FSTL4: variants seen among roughly 807,000 people sequenced by gnomAD.
The protein encoded by FSTL4 is follistatin-related protein 4.
A neutral mutation model predicts 78.2 loss-of-function variants in FSTL4; 28 were observed. That is an observed-to-expected ratio of 0.36 (90% CI 0.27 to 0.49). The LOEUF is 0.49. Among genes scored for constraint, FSTL4 ranks in the 20% least tolerant of loss-of-function variants. The pLI is 0.98. For synonymous variants in FSTL4, 422 were observed against 440.5 expected (o/e 0.96, Z 0.53); for missense variants, 922 against 1,084.9 (o/e 0.85, Z 2.11).
the FSTL4 span, among the ~76,000 whole-genome samples, chr5:133,684,743 G>T: frequency 1.3e-5 from 2 of 152,130 alleles, no homozygotes; most frequent in African/African-American, 4.8e-5. Context: ...ATTAACTGGT[G>T]CATGGATATC....
At chr5:133,336,674 A>G (rs575070581) in intron 4 of FSTL4, among the ~76,000 whole-genome samples, 4 of 151,738 alleles carry the variant, frequency 2.6e-5, no homozygotes, top group South Asian at 2.1e-4. Context: ...CCTCCTGCCC[A>G]CTCCATCTAA....
At chr5:133,783,904 C>T in the FSTL4 span, among the ~76,000 whole-genome samples, 142 of 146,626 alleles carry the variant, frequency 9.7e-4, no homozygotes, top group Non-Finnish European at 1.9e-3. Flanking sequence ...GCAGAGTCTG[C>T]GAGAACAGTT....
rs187554435 is a variant in FSTL4 at position 133,237,910 on chromosome 5, A to C, written c.895-4373T>G. 4.7e-5 allele frequency among the ~76,000 whole-genome samples: 7 copies of C among 150,234 alleles called. No homozygotes were observed. In the East Asian group the frequency reaches 9.8e-4, roughly 21 times the overall value. Reference sequence around the variant, plus strand: ...TGTATTAGCAAAATCAAGGTTCCTTACAGAAATAAACAGATGTCAGATTAG... The same window carrying C: ...TGTATTAGCAAAATCAAGGTTCCTTCCAGAAATAAACAGATGTCAGATTAG... On this transcript the variant is annotated intron_variant, in intron 7 of 15. Transcript: ENST00000265342.
At chr5:133,696,523 T>C in the FSTL4 span, among the ~76,000 whole-genome samples, 53,187 of 152,164 alleles carry the variant, frequency 0.35, 10,169 homozygotes, top group African/African-American at 0.51. Context: ...GCATGTCGTA[T>C]CTCATTTTAA....
chr5:133,609,379 C>T (rs948204598), intron 1 of FSTL4, among the ~76,000 whole-genome samples: 7 of 152,056 alleles, frequency 4.6e-5, no homozygotes, highest in Admixed American at 1.3e-4. Flanking sequence ...CTGAATACAA[C>T]GTGGAATTCT....
At position 133,465,760 on chromosome 5, in the gene FSTL4, G is replaced by A. The variant is rs539854145; in HGVS notation, c.161-64774C>T. ...CAGCGACTGTGTGAGCCTGAACAGAGGGTCAGTGCTGTCTAAGGTGGGAGG... is the reference window on the plus strand; with the variant it reads ...CAGCGACTGTGTGAGCCTGAACAGAAGGTCAGTGCTGTCTAAGGTGGGAGG... On this transcript the variant is annotated intron_variant, in intron 3 of 15. Transcript: ENST00000265342. Among the ~76,000 whole-genome samples, 11 of 152,348 alleles carry A rather than the reference G, an allele frequency of 7.2e-5. No homozygotes were observed. The East Asian group carries it at 2.1e-3, about 29-fold the overall frequency.
At chr5:133,341,495 G>A (rs1039915748) in intron 4 of FSTL4, among the ~76,000 whole-genome samples, 6 of 152,062 alleles carry the variant, frequency 3.9e-5, no homozygotes, top group African/African-American at 1.2e-4. Flanking sequence ...CCCTGTGTGA[G>A]TGCATGTGAA....
chr5:133,240,964 G>A (rs1362637309), intron 7 of FSTL4, among the ~76,000 whole-genome samples: 1 of 152,132 alleles, frequency 6.6e-6, no homozygotes, highest in Admixed American at 6.5e-5. Context: ...TGGGCCAGGT[G>A]GTACCAGTTC....
chr5:133,523,522 C>T (rs1258240708), intron 3 of FSTL4, among the ~76,000 whole-genome samples: 1 of 152,216 alleles, frequency 6.6e-6, no homozygotes, highest in Non-Finnish European at 1.5e-5. Flanking sequence ...GGTTTCTGAA[C>T]CAGTCAGACC....
intron 4 of FSTL4, among the ~76,000 whole-genome samples, chr5:133,344,986 T>G (rs1754666440): frequency 6.7e-6 from 1 of 148,744 alleles, no homozygotes; most frequent in Non-Finnish European, 1.5e-5. Flanking sequence ...TTTTTTTTTT[T>G]GAGACGGAGT....
At chr5:133,499,484 G>T (rs1469909286) in intron 3 of FSTL4, among the ~76,000 whole-genome samples, 1 of 152,002 alleles carries the variant, frequency 6.6e-6, no homozygotes, top group East Asian at 1.9e-4. Context: ...CTCTGAGGGT[G>T]GCGCGTCTAG....
the FSTL4 span, among the ~76,000 whole-genome samples, chr5:133,636,306 C>G: frequency 2.7e-4 from 41 of 152,154 alleles, no homozygotes; most frequent in Non-Finnish European, 2.1e-4. Context: ...GAGCTCCACT[C>G]TCTGAGTGGG....
chr5:133,757,896 C>T, the FSTL4 span, among the ~76,000 whole-genome samples: 17 of 152,234 alleles, frequency 1.1e-4, no homozygotes, highest in African/African-American at 4.1e-4. Context: ...GGGCTTGACA[C>T]GTGTGAAAGG....
rs573232716 is a variant in FSTL4 at position 133,360,591 on chromosome 5, C to A, written c.409+40147G>T. 2.7e-5 allele frequency among the ~76,000 whole-genome samples: 4 copies of A among 150,288 alleles called. No individual in the cohort carries two copies. The East Asian group carries it at 7.8e-4, about 29-fold the overall frequency. The stretch of plus-strand genomic sequence containing the variant: ...CCTAGACAAAGCAATAAAATCTCAA[C>A]AGCAAAGTTCCTATTGATGTGATTA... On this transcript the variant is annotated intron_variant, in intron 4 of 15. Transcript: ENST00000265342.
At chr5:133,326,895 T>C (rs1754225780) in intron 4 of FSTL4, among the ~76,000 whole-genome samples, 1 of 152,258 alleles carries the variant, frequency 6.6e-6, no homozygotes. Context: ...TGCTGCAGCC[T>C]GCCCATGGCC....
the FSTL4 span, among the ~76,000 whole-genome samples, chr5:133,662,968 G>A: frequency 1.7e-5 from 2 of 114,770 alleles, no homozygotes; most frequent in Non-Finnish European, 3.4e-5. Context: ...ATTACCCTGA[G>A]TTAAAAAAAA....
the FSTL4 span, among the ~76,000 whole-genome samples, chr5:133,795,896 C>A: frequency 6.2e-4 from 95 of 152,328 alleles, no homozygotes; most frequent in African/African-American, 2.1e-3. Flanking sequence ...AGTGTGAATC[C>A]AGGCCTGCGT....
the FSTL4 span, among the ~76,000 whole-genome samples, chr5:133,700,143 T>A: frequency 5.3e-5 from 8 of 150,824 alleles, 1 homozygote; most frequent in South Asian, 4.2e-4. Context: ...CACCAAAACA[T>A]CACACTGAAC....
chr5:133,231,841 A>C (rs1581551032), intron 8 of FSTL4, among the ~76,000 whole-genome samples: 1 of 152,190 alleles, frequency 6.6e-6, no homozygotes, highest in East Asian at 1.9e-4. Flanking sequence ...CACCGGCCTC[A>C]TTTTCTCTTA....
Sources: gnomAD v4.1 joint callset for allele counts (sites outside exome capture counted in the v4.1 genomes callset) on GRCh38, gnomAD v4.1.1 for gene constraint, MANE v1.5 for transcripts, NCBI Gene and HGNC (gene_info 2026-07-23, HGNC 2026-07-21) for gene names.